BMPR1B: variants seen among roughly 807,000 people sequenced by gnomAD.
BMPR1B encodes bone morphogenetic protein receptor type 1B.
A neutral mutation model predicts 59.1 loss-of-function variants in BMPR1B; 12 were observed. That is an observed-to-expected ratio of 0.20 (90% CI 0.13 to 0.33). BMPR1B has a LOEUF of 0.33. BMPR1B is among the 10% of genes least tolerant of loss of function. The probability of loss-of-function intolerance (pLI) is 1.00; values close to 1 mark genes in which losing one functional copy is unlikely to be tolerated. For synonymous variants in BMPR1B, 237 were observed against 207.3 expected, an observed-to-expected ratio of 1.14 and a Z score of -1.23; for missense variants, 550 against 610.9, an observed-to-expected ratio of 0.90 and a Z score of 1.05.
chr4:95,019,689 A>T (rs1464018350), intron 3 of BMPR1B, among the ~76,000 whole-genome samples: 3 of 152,168 alleles, frequency 2.0e-5, no homozygotes, highest in African/African-American at 7.2e-5. Flanking sequence ...CTTGAAACTT[A>T]GTGGAAAGGA....
intron 3 of BMPR1B, among the ~76,000 whole-genome samples, chr4:95,019,892 T>C (rs1723847221): frequency 6.6e-6 from 1 of 152,196 alleles, no homozygotes; most frequent in Admixed American, 6.5e-5. Flanking sequence ...AATATTTTAA[T>C]TGGGGTATAT....
chr4:95,124,846 A>G, intron 7 of BMPR1B, 137 bp from the exon 8 acceptor site: 1 of 789,268 alleles, frequency 1.3e-6, no homozygotes, highest in Non-Finnish European at 2.0e-6. Context: ...CATAACTAAG[A>G]GTAAAAAATA....
At chr4:95,140,623 G>A (rs2149315699) in intron 10 of BMPR1B, among the ~76,000 whole-genome samples, 1 of 152,058 alleles carries the variant, frequency 6.6e-6, no homozygotes, top group Middle Eastern at 3.4e-3. Context: ...CCCGGTCTTT[G>A]TCTGCTTGGT....
At chr4:94,804,590 C>CTTTTTT (rs5860375) in intron 1 of BMPR1B, among the ~76,000 whole-genome samples, 6 of 121,568 alleles carry the variant, frequency 4.9e-5, no homozygotes, top group African/African-American at 1.3e-4. Context: ...CTTTGTAATA[C>CTTTTTT]TTTTTTTTTT....
chr4:95,023,549 T>C (rs74442905), intron 3 of BMPR1B, among the ~76,000 whole-genome samples: 1 of 15,420 alleles, frequency 6.5e-5, no homozygotes, highest in Admixed American at 8.2e-4. Flanking sequence ...GCCTGGCTAA[T>C]TTTTTTTTTT....
chr4:95,121,976 A>C (rs1379636887), intron 6 of BMPR1B, among the ~76,000 whole-genome samples: 1 of 152,176 alleles, frequency 6.6e-6, no homozygotes, highest in Non-Finnish European at 1.5e-5. Flanking sequence ...AATCTTTAGA[A>C]TCTCCTGAAT....
intron 1 of BMPR1B, among the ~76,000 whole-genome samples, chr4:94,784,483 T>C (rs1445496261): frequency 3.3e-5 from 5 of 152,198 alleles, no homozygotes; most frequent in Non-Finnish European, 2.9e-5. Context: ...TTCAAAATTA[T>C]ATTTACATTT....
intron 1 of BMPR1B, among the ~76,000 whole-genome samples, chr4:94,793,972 T>C (rs1376463891): frequency 6.7e-6 from 1 of 149,492 alleles, no homozygotes; most frequent in East Asian, 2.0e-4. Flanking sequence ...GTAGGTTGCC[T>C]GTTCACTCTG....
chr4:94,879,035 T>C (rs988878929), intron 2 of BMPR1B, among the ~76,000 whole-genome samples: 1 of 152,208 alleles, frequency 6.6e-6, no homozygotes, highest in Admixed American at 6.5e-5. Context: ...AGTTTTAGGG[T>C]ACATGTGCAC....
intron 6 of BMPR1B, among the ~76,000 whole-genome samples, chr4:95,121,014 GCCAGGCTGGTCTTGAACT>G (rs1428444349): frequency 6.6e-6 from 1 of 152,076 alleles, no homozygotes; most frequent in Non-Finnish European, 1.5e-5. Context: ...TGCCATGTTG[GCCAGGCTGGTCTTGAACT>G]CCTGAACTCA....
chr4:94,901,553 A>T (rs557075032), intron 2 of BMPR1B, among the ~76,000 whole-genome samples: 1 of 152,134 alleles, frequency 6.6e-6, no homozygotes, highest in Admixed American at 6.6e-5. Context: ...TGACTGAGAG[A>T]TATTCTTGAC....
chr4:95,088,357 G>A (rs534176993), intron 3 of BMPR1B, among the ~76,000 whole-genome samples: 1 of 152,162 alleles, frequency 6.6e-6, no homozygotes, highest in Non-Finnish European at 1.5e-5. Context: ...ATAGTTGGGG[G>A]TGGGTAGATT....
chr4:94,790,089 T>C (rs1722919111), intron 1 of BMPR1B, among the ~76,000 whole-genome samples: 1 of 152,194 alleles, frequency 6.6e-6, no homozygotes, highest in Non-Finnish European at 1.5e-5. Context: ...ATGTAATACA[T>C]ACACCATATA....
chr4:94,886,816 T>A (rs1362357767), intron 2 of BMPR1B, among the ~76,000 whole-genome samples: 2 of 152,094 alleles, frequency 1.3e-5, no homozygotes, highest in Non-Finnish European at 2.9e-5. Context: ...TGGGAATCAC[T>A]TAGGGAGGAA....
intron 2 of BMPR1B, among the ~76,000 whole-genome samples, chr4:94,879,297 T>C (rs1726866005): frequency 6.6e-6 from 1 of 152,218 alleles, no homozygotes; most frequent in Non-Finnish European, 1.5e-5. Context: ...ATGTTTAAGG[T>C]ATTAATGAAA....
chr4:94,874,687 C>G (rs1726644872), intron 1 of BMPR1B, among the ~76,000 whole-genome samples: 1 of 151,984 alleles, frequency 6.6e-6, no homozygotes, highest in Non-Finnish European at 1.5e-5. Flanking sequence ...TATATTTACT[C>G]TTAAAATCTG....
At chr4:95,029,762 C>T (rs962299907) in intron 3 of BMPR1B, among the ~76,000 whole-genome samples, 2 of 152,148 alleles carry the variant, frequency 1.3e-5, no homozygotes, top group African/African-American at 4.8e-5. Flanking sequence ...TTCTCCACAT[C>T]CTCTCCAGCA....
At chr4:95,104,291 A>G (rs532495282) in intron 3 of BMPR1B, 117 bp from the exon 4 acceptor site, 1 of 1,220,816 alleles carries the variant, frequency 8.2e-7, no homozygotes, top group Admixed American at 2.3e-5. Context: ...TTTTCTGTTT[A>G]AATCTTTAAG....
chr4:94,963,088 T>G (rs1426544598), intron 2 of BMPR1B, among the ~76,000 whole-genome samples: 1 of 152,238 alleles, frequency 6.6e-6, no homozygotes, highest in East Asian at 1.9e-4. Context: ...ATGGAACTTT[T>G]TAAAATATAT....
Sources: gnomAD v4.1 joint callset for allele counts (sites outside exome capture counted in the v4.1 genomes callset) on GRCh38, gnomAD v4.1.1 for gene constraint, MANE v1.5 for transcripts, NCBI Gene and HGNC (gene_info 2026-07-23, HGNC 2026-07-21) for gene names.